Variants in TENM3 observed in about 807,000 individuals in gnomAD.
The protein encoded by TENM3 is teneurin transmembrane protein 3.
TENM3 carries 63 observed loss-of-function variants against 255.1 expected under a neutral mutation model. That is an observed-to-expected ratio of 0.25 (90% CI 0.20 to 0.30). TENM3 has a LOEUF of 0.30. Ranked by LOEUF, TENM3 falls within the 10% of genes least tolerant of loss-of-function variation. The pLI is 1.00. For synonymous variants in TENM3, 1,306 were observed against 1,322.3 expected (o/e 0.99, Z 0.27); for missense variants, 2,929 against 3,461.1 (o/e 0.85, Z 3.86).
At chr4:181,673,635 T>C in the TENM3 span, among the ~76,000 whole-genome samples, 31 of 152,308 alleles carry the variant, frequency 2.0e-4, no homozygotes, top group African/African-American at 6.0e-4. Context: ...ACATCGTGTT[T>C]GAAAGCAGCT....
chr4:182,193,053 G>A (rs764807825), intron 1 of TENM3, among the ~76,000 whole-genome samples: 2 of 152,166 alleles, frequency 1.3e-5, no homozygotes, highest in Non-Finnish European at 2.9e-5. Context: ...AAGCTTTCCA[G>A]TATTTCTTTC....
the TENM3 span, among the ~76,000 whole-genome samples, chr4:181,800,691 C>G: frequency 6.6e-6 from 1 of 152,162 alleles, no homozygotes; most frequent in Non-Finnish European, 1.5e-5. Context: ...CCTGGTTGTT[C>G]AGGTGCTTGA....
At chr4:181,990,015 A>G in the TENM3 span, among the ~76,000 whole-genome samples, 7 of 152,142 alleles carry the variant, frequency 4.6e-5, no homozygotes, top group Non-Finnish European at 8.8e-5. Context: ...CAAATTATCT[A>G]TATTTTCAGA....
At chr4:182,398,562 T>C (rs550364688) in intron 3 of TENM3, among the ~76,000 whole-genome samples, 2 of 152,320 alleles carry the variant, frequency 1.3e-5, no homozygotes, top group East Asian at 3.9e-4. Context: ...TAACTTAGTA[T>C]GCTGGGTTCC....
intron 14 of TENM3, 80 bp downstream of exon 14, chr4:182,729,261 G>A: frequency 8.2e-7 from 1 of 1,218,912 alleles, no homozygotes; most frequent in South Asian, 1.4e-5. Flanking sequence ...ACTCATGACT[G>A]TGAACCTGAG....
the TENM3 span, among the ~76,000 whole-genome samples, chr4:181,686,526 C>T: frequency 5.3e-5 from 8 of 152,096 alleles, no homozygotes; most frequent in East Asian, 1.9e-4. Flanking sequence ...ACATTTATTG[C>T]GCCCAATTAG....
At chr4:182,187,403 C>T (rs1439435702) in intron 1 of TENM3, among the ~76,000 whole-genome samples, 1 of 152,152 alleles carries the variant, frequency 6.6e-6, no homozygotes, top group African/African-American at 2.4e-5. Context: ...GATTATGTTC[C>T]TCTGGGTACC....
chr4:182,552,539 T>C (rs1255347247), intron 3 of TENM3, among the ~76,000 whole-genome samples: 1 of 152,166 alleles, frequency 6.6e-6, no homozygotes, highest in Non-Finnish European at 1.5e-5. Context: ...ACTTGAAGAG[T>C]GTTCTGAGAG....
chr4:181,858,352 G>A, the TENM3 span, among the ~76,000 whole-genome samples: 1 of 152,188 alleles, frequency 6.6e-6, no homozygotes, highest in Admixed American at 6.5e-5. Flanking sequence ...TGGAAAATTT[G>A]TGGGGGGCAG....
At chr4:182,459,031 G>A (rs971204638) in intron 3 of TENM3, among the ~76,000 whole-genome samples, 12 of 152,070 alleles carry the variant, frequency 7.9e-5, no homozygotes, top group Non-Finnish European at 8.8e-5. Context: ...TTGAAATTGC[G>A]TTTATTTCCA....
the TENM3 span, among the ~76,000 whole-genome samples, chr4:181,631,868 G>A: frequency 6.6e-6 from 1 of 152,166 alleles, no homozygotes; most frequent in Non-Finnish European, 1.5e-5. Context: ...GGCATTCACT[G>A]CTCTAGTGTA....
chr4:181,522,905 A>T, the TENM3 span: 1 of 937,324 alleles, frequency 1.1e-6, no homozygotes, highest in Admixed American at 1.8e-5. Context: ...TTGTTGCTGG[A>T]ATTGTTGTGC....
the TENM3 span, among the ~76,000 whole-genome samples, chr4:181,513,997 CAT>C: frequency 6.6e-6 from 1 of 152,072 alleles, no homozygotes. Context: ...AACTAAGAAA[CAT>C]ATAAATATTT....
chr4:181,943,727 T>C, the TENM3 span, among the ~76,000 whole-genome samples: 5 of 152,196 alleles, frequency 3.3e-5, no homozygotes, highest in African/African-American at 2.4e-5. Context: ...ACATATGCAA[T>C]TATATGCAAA....
the TENM3 span, among the ~76,000 whole-genome samples, chr4:181,706,773 C>T: frequency 6.6e-6 from 1 of 152,178 alleles, no homozygotes. Flanking sequence ...ACCTGAATTA[C>T]AAGAAGTAAT....
chr4:181,562,945 G>C, the TENM3 span, among the ~76,000 whole-genome samples: 1 of 152,192 alleles, frequency 6.6e-6, no homozygotes, highest in Non-Finnish European at 1.5e-5. Flanking sequence ...AAAGTGCTGG[G>C]ATTACAGGAG....
chr4:181,562,890 G>A, the TENM3 span, among the ~76,000 whole-genome samples: 1 of 152,104 alleles, frequency 6.6e-6, no homozygotes, highest in African/African-American at 2.4e-5. Flanking sequence ...GGCCAGGCTG[G>A]TCTCGAATTT....
intron 2 of TENM3, among the ~76,000 whole-genome samples, chr4:182,331,716 T>C (rs1367114376): frequency 6.6e-6 from 1 of 152,182 alleles, no homozygotes; most frequent in Non-Finnish European, 1.5e-5. Flanking sequence ...GCAGTATTAA[T>C]ATCAGGAAAG....
the TENM3 span, among the ~76,000 whole-genome samples, chr4:181,800,193 A>G: frequency 1.3e-5 from 2 of 152,192 alleles, no homozygotes; most frequent in East Asian, 1.9e-4. Context: ...CTAACCGTGT[A>G]ATGACCTAAC....
Sources: gnomAD v4.1 joint callset for allele counts (sites outside exome capture counted in the v4.1 genomes callset) on GRCh38, gnomAD v4.1.1 for gene constraint, MANE v1.5 for transcripts, NCBI Gene and HGNC (gene_info 2026-07-23, HGNC 2026-07-21) for gene names.